The following EIF4G3 variants were observed in gnomAD, a reference collection of about 807,000 sequenced individuals.
The protein encoded by EIF4G3 is eukaryotic translation initiation factor 4 gamma 3, also known as eIF-4-gamma 3.
A neutral mutation model predicts 186.4 loss-of-function variants in EIF4G3; 34 were observed. The observed-to-expected ratio is 0.18, with a 90% confidence interval of 0.14 to 0.24. The LOEUF is 0.24. EIF4G3 is among the 10% of genes least tolerant of loss of function. EIF4G3 has a pLI of 1.00. For synonymous variants in EIF4G3, 673 were observed against 679.5 expected, an observed-to-expected ratio of 0.99 and a Z score of 0.15; for missense variants, 1,536 against 1,948.5, an observed-to-expected ratio of 0.79 and a Z score of 3.99.
At chr1:20,865,299 A>G (rs2154552358) in intron 20 of EIF4G3, 37 bp from the exon 21 acceptor site, 1 of 1,606,396 alleles carries the variant, frequency 6.2e-7, no homozygotes, top group East Asian at 2.2e-5. Context: ...AATCAACAAG[A>G]TTACTTAAAG....
intron 30 of EIF4G3, 61 bp downstream of exon 30, chr1:20,840,795 G>A (rs2068322176): frequency 3.3e-6 from 5 of 1,513,250 alleles, no homozygotes; most frequent in Middle Eastern, 2.1e-4. Context: ...TAAGTACTTT[G>A]AAAATTAACT....
At chr1:20,932,795 T>C (rs887158456) in intron 14 of EIF4G3, among the ~76,000 whole-genome samples, 1 of 152,052 alleles carries the variant, frequency 6.6e-6, no homozygotes, top group Non-Finnish European at 1.5e-5. Flanking sequence ...AGGTCTGAAA[T>C]ACTGTGAGAA....
chr1:20,949,537 T>C (rs561113509), intron 13 of EIF4G3, among the ~76,000 whole-genome samples: 10 of 152,322 alleles, frequency 6.6e-5, no homozygotes, highest in Admixed American at 5.9e-4. Flanking sequence ...TAGTGCATGA[T>C]GGAGCCGGGA....
Position 20,947,814 on chromosome 1 carries a change from T to C in EIF4G3, c.823+2189A>G, listed in dbSNP as rs36086908. On this transcript the variant is annotated intron_variant, in intron 13 of 36. Transcript: ENST00000602326. ...GCCTATATTATACACCAGTTAGATA[T>C]GTTGATGTTGTTATTCAAATTTCCA... is the stretch of plus-strand genomic sequence containing the variant. 3.0e-3 allele frequency among the ~76,000 whole-genome samples: 455 copies of C among 152,302 alleles called. 1 individual carries two copies. Among genetic ancestry groups the C allele is most frequent in the Non-Finnish European group, 5.0e-3 (337 of 68,026 alleles).
At chr1:20,951,510 G>GA (rs1426765451) in intron 12 of EIF4G3, among the ~76,000 whole-genome samples, 2 of 151,926 alleles carry the variant, frequency 1.3e-5, no homozygotes, top group African/African-American at 2.4e-5. Context: ...GTTTCAGTGG[G>GA]AAAAAAATGC....
At chr1:21,006,304 T>C (rs190899190) in intron 4 of EIF4G3, among the ~76,000 whole-genome samples, 2 of 152,358 alleles carry the variant, frequency 1.3e-5, no homozygotes, top group East Asian at 3.9e-4. Context: ...ACTTTGACCA[T>C]GTTTCATGTC....
At chr1:20,875,496 A>C (rs1053681464) in intron 20 of EIF4G3, among the ~76,000 whole-genome samples, 23 of 152,262 alleles carry the variant, frequency 1.5e-4, no homozygotes, top group African/African-American at 5.3e-4. Flanking sequence ...GATTACAAAT[A>C]GTCCTGAGGA....
At chr1:21,054,082 GAAAGAGGT>G (rs1196014139) in intron 3 of EIF4G3, among the ~76,000 whole-genome samples, 2 of 152,170 alleles carry the variant, frequency 1.3e-5, no homozygotes, top group African/African-American at 2.4e-5. Flanking sequence ...TGTCTGTGTA[GAAAGAGGT>G]AGACATGGGA....
At chr1:20,937,270 T>C (rs1277267856) in intron 14 of EIF4G3, among the ~76,000 whole-genome samples, 2 of 152,198 alleles carry the variant, frequency 1.3e-5, no homozygotes, top group Admixed American at 6.5e-5. Context: ...AAGATTGCTG[T>C]TACCCTGAAA....
At chr1:20,826,481 C>CTTTTTTTTTT (rs71014120) in intron 32 of EIF4G3, among the ~76,000 whole-genome samples, 1 of 50,634 alleles carries the variant, frequency 2.0e-5, no homozygotes, top group East Asian at 1.1e-3. Flanking sequence ...GTGAGTCTTT[C>CTTTTTTTTTT]TTTTTTTTTT....
chr1:21,033,909 A>G (rs749447324), intron 4 of EIF4G3, among the ~76,000 whole-genome samples: 29 of 152,118 alleles, frequency 1.9e-4, no homozygotes, highest in Non-Finnish European at 4.1e-4. Context: ...ATACAGTGAG[A>G]CCCTGCCTCT....
chr1:20,928,727 T>G (rs1023748672), intron 14 of EIF4G3, among the ~76,000 whole-genome samples: 1 of 152,178 alleles, frequency 6.6e-6, no homozygotes, highest in African/African-American at 2.4e-5. Flanking sequence ...ATGTAATATT[T>G]GTTGACATAT....
intron 2 of EIF4G3, among the ~76,000 whole-genome samples, chr1:21,166,620 G>A (rs767988738): frequency 7.9e-5 from 12 of 152,046 alleles, no homozygotes; most frequent in Admixed American, 2.6e-4. Context: ...CCAGCTACTC[G>A]GGAGGCTGAG....
At chr1:20,932,917 A>C (rs2095380973) in intron 14 of EIF4G3, among the ~76,000 whole-genome samples, 1 of 152,214 alleles carries the variant, frequency 6.6e-6, no homozygotes, top group African/African-American at 2.4e-5. Context: ...AAAAAACCGT[A>C]TCAGTGAAAG....
intron 13 of EIF4G3, among the ~76,000 whole-genome samples, chr1:20,945,478 G>C (rs1214878886): frequency 1.3e-5 from 2 of 152,006 alleles, no homozygotes; most frequent in Non-Finnish European, 2.9e-5. Context: ...GTTTTGTTCT[G>C]TTTCTGAGAC....
chr1:20,840,142 C>T (rs548140850), intron 30 of EIF4G3, among the ~76,000 whole-genome samples: 1 of 152,202 alleles, frequency 6.6e-6, no homozygotes, highest in South Asian at 2.1e-4. Context: ...TTTACCAATG[C>T]AAATTTCACT....
At chr1:21,037,564 T>C (rs538603945) in intron 4 of EIF4G3, among the ~76,000 whole-genome samples, 6 of 152,164 alleles carry the variant, frequency 3.9e-5, no homozygotes, top group Non-Finnish European at 7.3e-5. Flanking sequence ...TAAATTGGCA[T>C]ATAAAATCAA....
intron 12 of EIF4G3, among the ~76,000 whole-genome samples, chr1:20,964,015 A>G (rs1302281167): frequency 1.3e-5 from 2 of 151,974 alleles, no homozygotes; most frequent in Non-Finnish European, 2.9e-5. Flanking sequence ...GGCATCATGT[A>G]TTTATTTTTA....
chr1:20,819,496 T>C (rs1436566956), intron 33 of EIF4G3, among the ~76,000 whole-genome samples: 1 of 151,732 alleles, frequency 6.6e-6, no homozygotes, highest in African/African-American at 2.4e-5. Flanking sequence ...CTTGCTCTTT[T>C]GCCCGGGTTG....
Sources: allele counts gnomAD v4.1 joint callset (sites outside exome capture counted in the v4.1 genomes callset), GRCh38; gene constraint gnomAD v4.1.1; transcripts MANE v1.5; gene names NCBI Gene and HGNC (gene_info 2026-07-23, HGNC 2026-07-21).